KIF26B: variants seen among roughly 807,000 people sequenced by gnomAD.
KIF26B encodes the protein kinesin-like protein KIF26B.
In KIF26B, 63 loss-of-function variants were observed where a neutral mutation model predicts 151.2. The observed-to-expected ratio is 0.42, with a 90% CI of 0.34 to 0.51. The LOEUF (loss-of-function observed/expected upper bound fraction) is 0.51, where lower values mean the gene tolerates loss of function less well. Among genes scored for constraint, KIF26B ranks in the 20% least tolerant of loss-of-function variants. KIF26B has a pLI of 0.07. For missense variants in KIF26B, 2,813 were observed against 2,913.6 expected, an observed-to-expected ratio of 0.97 and a Z score of 0.79; for synonymous variants, 1,357 against 1,262.1, an observed-to-expected ratio of 1.08 and a Z score of -1.59.
intron 4 of KIF26B, among the ~76,000 whole-genome samples, chr1:245,450,705 T>G (rs928008789): frequency 1.3e-5 from 2 of 152,252 alleles, no homozygotes; most frequent in African/African-American, 4.8e-5. Flanking sequence ...CAAAAGTGTT[T>G]TTTATACTAA....
Position 245,564,021 on chromosome 1 carries a change from G to A in KIF26B, c.1350+23071G>A, listed in dbSNP as rs146318277. Among the ~76,000 whole-genome samples, 140 of 152,152 alleles carry A rather than the reference G, an allele frequency of 9.2e-4. 1 individual carries two copies. Among genetic ancestry groups the A allele is most frequent in the African/African-American group, 3.3e-3 (135 of 41,482 alleles). On this transcript the variant is annotated intron_variant, in intron 5 of 14. Coordinates refer to ENST00000407071, the MANE Select transcript of KIF26B (RefSeq NM_018012.4). The surrounding 1 kb of genome is among the most constrained non-coding windows in gnomAD (Gnocchi z 4.6). The stretch of plus-strand genomic sequence containing the variant: ...ACACCAAATGTGATCATTTCATTTC[G>A]CAGCTAGATTGCTCGTGAACAGCTA...
chr1:245,245,589 A>T (rs1670312226), intron 2 of KIF26B, among the ~76,000 whole-genome samples: 1 of 152,092 alleles, frequency 6.6e-6, no homozygotes, highest in Non-Finnish European at 1.5e-5. Context: ...TCAGCAGTTC[A>T]AGACCAGCCT....
At chr1:245,423,155 C>T (rs972230572) in intron 4 of KIF26B, among the ~76,000 whole-genome samples, 3 of 150,494 alleles carry the variant, frequency 2.0e-5, no homozygotes, top group African/African-American at 7.3e-5. Context: ...ATGCTGGGGG[C>T]CATTTCGTTT....
At chr1:245,641,138 T>C (rs1197204559) in intron 9 of KIF26B, among the ~76,000 whole-genome samples, 2 of 152,096 alleles carry the variant, frequency 1.3e-5, no homozygotes, top group African/African-American at 4.8e-5. Context: ...TTCAGCACTT[T>C]GAATAATATC....
intron 4 of KIF26B, among the ~76,000 whole-genome samples, chr1:245,426,378 A>G (rs907318658): frequency 6.6e-6 from 1 of 151,926 alleles, no homozygotes; most frequent in African/African-American, 2.4e-5. Flanking sequence ...TTTCTCTGGG[A>G]TCCCTGTTGT....
chr1:245,258,241 G>T (rs773347108), intron 2 of KIF26B, among the ~76,000 whole-genome samples: 1 of 152,188 alleles, frequency 6.6e-6, no homozygotes, highest in Non-Finnish European at 1.5e-5. Flanking sequence ...GCGTCCAGAG[G>T]TGTAAGACAG....
intron 2 of KIF26B, among the ~76,000 whole-genome samples, chr1:245,268,438 C>T (rs1670787433): frequency 6.6e-6 from 1 of 150,532 alleles, no homozygotes; most frequent in South Asian, 2.1e-4. Flanking sequence ...CACTGGACTC[C>T]AGCCTGGGTG....
Position 245,167,081 on chromosome 1 carries a change from T to C in KIF26B, c.465+10398T>C, listed in dbSNP as rs753172871. ...ACTTATTGGAGTTTACGTTCAATAC[T>C]GTTGCCAACCACAAAAAGTTATTGG... is the stretch of plus-strand genomic sequence containing the variant. On this transcript the variant is annotated intron_variant, in intron 2 of 14. Coordinates refer to ENST00000407071, the MANE Select transcript of KIF26B (RefSeq NM_018012.4). The surrounding 1 kb of genome is among the most constrained non-coding windows in gnomAD (Gnocchi z 4.2). Among the ~76,000 whole-genome samples, 15 of 152,240 alleles carry C rather than the reference T, an allele frequency of 9.9e-5. No homozygotes were observed. The highest frequency in any genetic ancestry group is 1.9e-4 in the Non-Finnish European group (13 of 68,042).
intron 2 of KIF26B, among the ~76,000 whole-genome samples, chr1:245,157,545 G>A (rs956596023): frequency 1.3e-5 from 2 of 152,210 alleles, no homozygotes; most frequent in African/African-American, 2.4e-5. Context: ...TCGAGTAGGC[G>A]TTTAGGAATG....
At chr1:245,624,063 C>T (rs1292420476) in intron 9 of KIF26B, among the ~76,000 whole-genome samples, 2 of 151,974 alleles carry the variant, frequency 1.3e-5, no homozygotes, top group South Asian at 2.1e-4. Context: ...TGGTACTCTC[C>T]CCCCTGCTCA....
chr1:245,381,635 G>A (rs954785803), intron 3 of KIF26B, among the ~76,000 whole-genome samples: 11 of 152,096 alleles, frequency 7.2e-5, no homozygotes, highest in African/African-American at 2.2e-4. Context: ...TAGGTACATT[G>A]ACATGATGTG....
chr1:245,465,273 C>T (rs951650896), intron 4 of KIF26B, among the ~76,000 whole-genome samples: 11 of 152,274 alleles, frequency 7.2e-5, no homozygotes, highest in African/African-American at 2.6e-4. Context: ...CCACCGCGCC[C>T]GGACCCATTG....
chr1:245,597,176 G>C lies in KIF26B; in HGVS notation c.1351-5401G>C, dbSNP rs550219673. ...GTGAATTTGATCCTGTCATTATGAT[G>C]CTAGCTGGTTATTTTTCCCATTAGT... On this transcript the variant is annotated intron_variant, in intron 5 of 14. Coordinates refer to ENST00000407071, the MANE Select transcript of KIF26B (RefSeq NM_018012.4). The surrounding 1 kb of genome is among the most constrained non-coding windows in gnomAD (Gnocchi z 4.6). Among the ~76,000 whole-genome samples, 1 of 152,180 alleles carries C rather than the reference G, an allele frequency of 6.6e-6. No homozygotes were observed.
At chr1:245,226,689 C>T (rs1430077079) in intron 2 of KIF26B, among the ~76,000 whole-genome samples, 1 of 152,078 alleles carries the variant, frequency 6.6e-6, no homozygotes, top group Non-Finnish European at 1.5e-5. Flanking sequence ...TCTCAAACTC[C>T]CGACCTCAGG....
rs1450570543 is a variant in KIF26B, at chr1:245,513,210, C to A, written c.1167-27557C>A. ...CCTGGTGGACAGCTCCAACCTGCAC[C>A]CCCCCCCAACCCCGCCGCCCCCTCT... On this transcript the variant is annotated intron_variant, in intron 4 of 14. Coordinates refer to ENST00000407071, the MANE Select transcript of KIF26B (RefSeq NM_018012.4). Among the ~76,000 whole-genome samples the A allele has an allele frequency of 1.7e-3, 6 of 3,484 alleles. No homozygotes were observed. In the Non-Finnish European group the frequency reaches 0.071, roughly 41 times the overall value. The allele number at this position is 3,484 out of a possible 152,430, so 2.3% of individuals were successfully genotyped here. A position where few individuals can be genotyped will look rare whatever the true frequency, so the allele number is the denominator to read the frequency against.
At chr1:245,195,657 A>G (rs150198802) in intron 2 of KIF26B, among the ~76,000 whole-genome samples, 3,460 of 152,310 alleles carry the variant, frequency 0.023, 54 homozygotes, top group South Asian at 0.046. Flanking sequence ...GAGGCTGAGC[A>G]TGTCGAGTGC....
chr1:245,212,183 T>C (rs754029344), intron 2 of KIF26B, among the ~76,000 whole-genome samples: 3 of 152,040 alleles, frequency 2.0e-5, no homozygotes, highest in Non-Finnish European at 4.4e-5. Context: ...ACGGTTGGGG[T>C]CTCCGTCTTA....
At chr1:245,585,461 T>A (rs2103132049) in intron 5 of KIF26B, among the ~76,000 whole-genome samples, 1 of 152,194 alleles carries the variant, frequency 6.6e-6, no homozygotes. Flanking sequence ...AATGTCTGTC[T>A]AGTCGGTGAG....
rs1170992259 is a variant in KIF26B, at chr1:245,667,601, T to A, written c.2259-16632T>A. On this transcript the variant is annotated intron_variant, in intron 10 of 14. Coordinates refer to ENST00000407071, the MANE Select transcript of KIF26B (RefSeq NM_018012.4). The surrounding 1 kb of genome is among the most constrained non-coding windows in gnomAD (Gnocchi z 4.3). ...GAGAGGTACACCCAGTAGATACTTA[T>A]TTAAATACTTATAGAAAGACGACTT... Among the ~76,000 whole-genome samples, 1 of 152,194 alleles carries A rather than the reference T, an allele frequency of 6.6e-6. No individual in the cohort carries two copies. The highest frequency in any genetic ancestry group is 1.9e-4 in the East Asian group (1 of 5,192).
Sources: gnomAD v4.1 joint callset for allele counts (sites outside exome capture counted in the v4.1 genomes callset) on GRCh38, gnomAD v4.1.1 for gene constraint, Gnocchi (gnomAD v3.1) non-coding constraint, MANE v1.5 for transcripts, NCBI Gene and HGNC (gene_info 2026-07-23, HGNC 2026-07-21) for gene names.